The following MARS1 variants were observed in gnomAD, a reference collection of about 807,000 sequenced individuals.
MARS1 encodes the protein methionyl-tRNA synthetase 1.
Under a neutral mutation model 119.5 loss-of-function variants are expected in MARS1, and 80 were observed. That is an observed-to-expected ratio of 0.67 (90% CI 0.56 to 0.81). The LOEUF (loss-of-function observed/expected upper bound fraction) is 0.81, where lower values mean the gene tolerates loss of function less well. MARS1 is among the 30% of genes least tolerant of loss of function. The probability of loss-of-function intolerance (pLI) is 0.00; values close to 1 mark genes in which losing one functional copy is unlikely to be tolerated. For missense variants in MARS1, 945 were observed against 1,116.5 expected (o/e 0.85, Z 2.19); for synonymous variants, 418 against 433.4 (o/e 0.96, Z 0.44).
At chr12:57,504,372 G>A in intron 11 of MARS1, 73 bp downstream of exon 11, 1 of 1,142,910 alleles carries the variant, frequency 8.7e-7, no homozygotes, top group Non-Finnish European at 1.3e-6. Context: ...CACAAATACT[G>A]AGAGCAGATT....
intron 7 of MARS1, among the ~76,000 whole-genome samples, chr12:57,495,037 G>A (rs1295814432): frequency 9.2e-5 from 14 of 152,138 alleles, no homozygotes; most frequent in African/African-American, 3.4e-4. Context: ...TCCCAGATGG[G>A]GTGGCGGCCG....
At chr12:57,496,159 C>T (rs977576770) in intron 7 of MARS1, among the ~76,000 whole-genome samples, 5 of 151,448 alleles carry the variant, frequency 3.3e-5, no homozygotes, top group East Asian at 3.9e-4. Context: ...CCACTGCACC[C>T]GGCAATATAA....
At position 57,499,133 on chromosome 12, in the gene MARS1, A is replaced by T. The variant is rs571797238; in HGVS notation, c.1091+510A>T. On this transcript the variant is annotated intron_variant, in intron 9 of 20. Transcript: ENST00000262027. ...ACCCCATCTCTACTAAAAATACAAAAATTAGTTGGGCGTGGTTGTGGGTGC... is the reference window on the plus strand; with the variant it reads ...ACCCCATCTCTACTAAAAATACAAATATTAGTTGGGCGTGGTTGTGGGTGC... 2.0e-5 allele frequency among the ~76,000 whole-genome samples: 3 copies of T among 150,842 alleles called. No homozygotes were observed. The East Asian group carries it at 5.9e-4, about 29-fold the overall frequency.
intron 11 of MARS1, among the ~76,000 whole-genome samples, chr12:57,507,825 G>A (rs1344091874): frequency 4.0e-5 from 6 of 151,300 alleles, no homozygotes; most frequent in South Asian, 2.1e-4. Context: ...CCTCCCGGAC[G>A]GGGTGGCTGC....
chr12:57,515,828 C>G, intron 18 of MARS1, 92 bp from the exon 19 acceptor site: 2 of 909,206 alleles, frequency 2.2e-6, no homozygotes, highest in Non-Finnish European at 3.5e-6. Flanking sequence ...TTCTAAAACA[C>G]ATCAGAGATT....
At chr12:57,495,361 C>CG (rs1359525161) in intron 7 of MARS1, among the ~76,000 whole-genome samples, 3 of 150,400 alleles carry the variant, frequency 2.0e-5, no homozygotes, top group Non-Finnish European at 4.4e-5. Flanking sequence ...AGATCCCAGA[C>CG]GGGGTCGCGG....
At chr12:57,514,507 C>G (rs1196600771) in intron 15 of MARS1, among the ~76,000 whole-genome samples, 1 of 152,096 alleles carries the variant, frequency 6.6e-6, no homozygotes, top group African/African-American at 2.4e-5. Context: ...TTAACTTAAT[C>G]AGGTTTCTTA....
At chr12:57,512,563 A>G in intron 14 of MARS1, 188 bp from the exon 15 acceptor site, 1 of 642,242 alleles carries the variant, frequency 1.6e-6, no homozygotes. Flanking sequence ...GATATAAGCA[A>G]AGAGAAAAAA....
intron 1 of MARS1, 29 bp downstream of exon 1, chr12:57,488,228 G>C (rs1186728868): frequency 1.3e-6 from 2 of 1,591,220 alleles, no homozygotes; most frequent in Non-Finnish European, 1.7e-6. Flanking sequence ...GTGGGCGGTG[G>C]ATGGGGGGGC....
chr12:57,512,882 C>A lies in MARS1; in HGVS notation c.1885C>A (p.Gln629Lys). 1.9e-6 allele frequency: 3 copies of A among 1,614,218 alleles called. No individual in the cohort carries two copies. The highest frequency in any genetic ancestry group is 2.5e-6 in the Non-Finnish European group (3 of 1,180,048). ...FYLLYIRPEG[Q>K]DSAFSWTDLL... is the part of the protein sequence containing the mutation. ...TCTGCTGTACATTCGGCCTGAGGGC[C>A]AGGACAGTGCTTTCTCCTGGACGGA... The change falls in exon 15 of 21, where the codon CAG (glutamine) becomes AAG (lysine). Residue 629 changes from glutamine (Q) to lysine (K), a missense_variant. Gln to Lys is a moderately conservative substitution (Grantham distance 53). Transcript: ENST00000262027.
chr12:57,504,442 T>A, intron 11 of MARS1, 143 bp downstream of exon 11: 1 of 688,112 alleles, frequency 1.5e-6, no homozygotes, highest in Non-Finnish European at 2.5e-6. Flanking sequence ...AGAGATGAAA[T>A]AGATTAAAGG....
At position 57,502,662 on chromosome 12, in the gene MARS1, C is replaced by T. The variant is rs141086379; in HGVS notation, c.1294-1563C>T. Among the ~76,000 whole-genome samples, 17 of 141,860 alleles carry T rather than the reference C, an allele frequency of 1.2e-4. No homozygotes were observed. The East Asian group carries it at 2.5e-3, about 21-fold the overall frequency. The allele number at this position is 141,860 out of a possible 152,430, so 93.1% of individuals were successfully genotyped here. On this transcript the variant is annotated intron_variant, in intron 10 of 20. Transcript: ENST00000262027. ...TGGAGGTTTCAGTGAGCTGAGATTA[C>T]GCTACTGCACTCCAGCCTGGGCGAC...
At chr12:57,505,929 C>T (rs1156898978) in intron 11 of MARS1, among the ~76,000 whole-genome samples, 1 of 152,134 alleles carries the variant, frequency 6.6e-6, no homozygotes, top group Non-Finnish European at 1.5e-5. Flanking sequence ...GCCTGAGCAA[C>T]ATGGCAAGAC....
chr12:57,515,974 C>T lies in MARS1; in HGVS notation c.2446C>T (p.Arg816Cys), dbSNP rs368028253. The change falls in exon 19 of 21, where the codon CGC (arginine) becomes TGC (cysteine). Residue 816 changes from arginine (R) to cysteine (C), a missense_variant. Arg to Cys is a radical substitution (Grantham distance 180). Transcript: ENST00000262027. ...ENDQIESLRQ[R>C]FGGGQAKTSP... Reference sequence around the variant, plus strand: ...TGACCAGATTGAAAGTTTAAGGCAGCGCTTTGGAGGGGGCCAGGTGAGAAA... The same window carrying T: ...TGACCAGATTGAAAGTTTAAGGCAGTGCTTTGGAGGGGGCCAGGTGAGAAA... 7.3e-5 allele frequency: 118 copies of T among 1,613,962 alleles called. No homozygotes were observed. Among genetic ancestry groups the T allele is most frequent in the African/African-American group, 2.8e-4 (21 of 74,882 alleles).
Position 57,498,716 on chromosome 12 carries a change from G to A in MARS1, c.1091+93G>A, listed in dbSNP as rs1229080043. ...GGAGACAGAAGGAACCCGGGTGGCTGTCTGGGCACTCCTAAACTTAGGATC... is the reference window on the plus strand; with the variant it reads ...GGAGACAGAAGGAACCCGGGTGGCTATCTGGGCACTCCTAAACTTAGGATC... On this transcript the variant is annotated intron_variant, in intron 9 of 20. Transcript: ENST00000262027. The A allele has an allele frequency of 3.4e-6, 4 of 1,170,200 alleles. No individual in the cohort carries two copies. The African/African-American group carries it at 4.5e-5, about 13-fold the overall frequency. 72.5% of individuals were successfully genotyped at this position (1,170,200 alleles called of 1,614,324 possible).
intron 7 of MARS1, 118 bp downstream of exon 7, chr12:57,490,762 C>A: frequency 3.7e-6 from 2 of 541,104 alleles, no homozygotes; most frequent in Non-Finnish European, 6.3e-6. Context: ...TCATCCTCTC[C>A]TTTTAATTCT....
At chr12:57,497,758 C>G (rs1876704639) in intron 7 of MARS1, among the ~76,000 whole-genome samples, 1 of 151,834 alleles carries the variant, frequency 6.6e-6, no homozygotes, top group African/African-American at 2.4e-5. Flanking sequence ...TAACATAGCA[C>G]CTGGAAAGAA....
chr12:57,504,343 C>A, intron 11 of MARS1, 44 bp downstream of exon 11: 1 of 1,471,048 alleles, frequency 6.8e-7, no homozygotes, highest in Non-Finnish European at 9.5e-7. Flanking sequence ...GAGGCCTCTT[C>A]TGTCCCCTCT....
At chr12:57,500,639 C>T in intron 10 of MARS1, 117 bp downstream of exon 10, 1 of 893,676 alleles carries the variant, frequency 1.1e-6, no homozygotes, top group Non-Finnish European at 1.7e-6. Flanking sequence ...ACCAGTGGCC[C>T]TTTCTGCCCC....
Sources: allele counts gnomAD v4.1 joint callset (sites outside exome capture counted in the v4.1 genomes callset), GRCh38; gene constraint gnomAD v4.1.1; transcripts MANE v1.5; gene names NCBI Gene and HGNC (gene_info 2026-07-23, HGNC 2026-07-21).